VGLL4: variants seen among roughly 807,000 people sequenced by gnomAD.
VGLL4 encodes vestigial like family member 4.
A neutral mutation model predicts 21.0 loss-of-function variants in VGLL4; 7 were observed. That is an observed-to-expected ratio of 0.33 (90% confidence interval 0.19 to 0.63). VGLL4 has a LOEUF of 0.63. VGLL4 is among the 20% of genes least tolerant of loss of function. The pLI, the probability that VGLL4 is intolerant of heterozygous loss-of-function variation, is 0.78. For synonymous variants in VGLL4, 222 were observed against 173.2 expected (o/e 1.28, Z -2.21); for missense variants, 394 against 425.7 (o/e 0.93, Z 0.66).
At chr3:11,706,643 C>T (rs1223516353) in intron 1 of VGLL4, among the ~76,000 whole-genome samples, 6 of 152,154 alleles carry the variant, frequency 3.9e-5, no homozygotes, top group East Asian at 1.9e-4. Context: ...TTTCCTTCCC[C>T]GGTTGCCCTG....
chr3:11,672,767 G>C (rs894251233), intron 2 of VGLL4, among the ~76,000 whole-genome samples: 2 of 152,128 alleles, frequency 1.3e-5, no homozygotes, highest in South Asian at 2.1e-4. Context: ...GATTATCCTG[G>C]CTTCTTCACT....
chr3:11,664,131 G>A (rs2616563), intron 2 of VGLL4, among the ~76,000 whole-genome samples: 152,012 of 152,016 alleles, frequency 1, 76,004 homozygotes, highest in Middle Eastern at 1. Context: ...CCAGCTACTT[G>A]GGAGGCTGAG....
chr3:11,680,236 C>G (rs2076350109), intron 2 of VGLL4, among the ~76,000 whole-genome samples: 1 of 152,098 alleles, frequency 6.6e-6, no homozygotes, highest in Non-Finnish European at 1.5e-5. Flanking sequence ...CTGCGATGTT[C>G]GCAGATGACA....
At chr3:11,702,745 C>CAAA in intron 2 of VGLL4, 1 of 186,682 alleles carries the variant, frequency 5.4e-6, no homozygotes. Context: ...AAAAAAAAAA[C>CAAA]AAAAAAAAAA....
At chr3:11,689,924 G>A (rs1406607522) in intron 2 of VGLL4, among the ~76,000 whole-genome samples, 2 of 152,110 alleles carry the variant, frequency 1.3e-5, no homozygotes, top group Non-Finnish European at 2.9e-5. Flanking sequence ...CCTGCTAGAG[G>A]GCCTACATTT....
chr3:11,635,406 C>A (rs1249754969), intron 1 of VGLL4, among the ~76,000 whole-genome samples: 2 of 152,130 alleles, frequency 1.3e-5, no homozygotes, highest in African/African-American at 4.8e-5. Flanking sequence ...CCTTCATTTC[C>A]CCTGAAGGAA....
At chr3:11,711,423 G>A (rs968045471) in intron 1 of VGLL4, among the ~76,000 whole-genome samples, 3 of 151,904 alleles carry the variant, frequency 2.0e-5, no homozygotes, top group African/African-American at 7.3e-5. Flanking sequence ...AATTAGCCAG[G>A]CATGGTGGCA....
In VGLL4 at chr3:11,559,886, C is replaced by A. The variant is rs9848960; in HGVS notation, c.496-431G>T. 5.9e-5 allele frequency among the ~76,000 whole-genome samples: 9 copies of A among 152,000 alleles called. No homozygotes were observed. The East Asian group carries it at 1.7e-3, about 29-fold the overall frequency. ...GAGCCATCCAGGACACTTCAATACA[C>A]GGCAATTAACTGGAAGCATTTTGCT... On this transcript the variant is annotated intron_variant, in intron 3 of 4. Coordinates refer to ENST00000430365, the MANE Select transcript of VGLL4 (RefSeq NM_001128219.3).
chr3:11,679,344 C>T (rs2076338451), intron 2 of VGLL4, among the ~76,000 whole-genome samples: 1 of 149,810 alleles, frequency 6.7e-6, no homozygotes, highest in African/African-American at 2.5e-5. Context: ...GAGTTTTTAA[C>T]AAAAAAGTTT....
At chr3:11,701,257 C>T (rs1210176300) in intron 2 of VGLL4, among the ~76,000 whole-genome samples, 1 of 152,144 alleles carries the variant, frequency 6.6e-6, no homozygotes, top group African/African-American at 2.4e-5. Context: ...CAGAGCCTGG[C>T]ACCTCTTCCT....
intron 2 of VGLL4, among the ~76,000 whole-genome samples, chr3:11,668,331 A>G (rs1456511393): frequency 6.6e-6 from 1 of 152,166 alleles, no homozygotes; most frequent in Non-Finnish European, 1.5e-5. Flanking sequence ...CATTTTTTCT[A>G]AATGCATCAT....
chr3:11,695,109 G>A (rs1211202174), intron 2 of VGLL4, among the ~76,000 whole-genome samples: 1 of 148,670 alleles, frequency 6.7e-6, no homozygotes, highest in Non-Finnish European at 1.5e-5. Context: ...GGAGTGCAGT[G>A]GTGCAATCTC....
chr3:11,659,369 T>C (rs1268528582), intron 2 of VGLL4, among the ~76,000 whole-genome samples: 1 of 139,444 alleles, frequency 7.2e-6, no homozygotes, highest in Admixed American at 7.9e-5. Context: ...TTTGCTCTTA[T>C]TGCCCAGGCT....
chr3:11,703,055 G>T (rs2076705838), intron 1 of VGLL4: 3 of 1,554,206 alleles, frequency 1.9e-6, no homozygotes, highest in African/African-American at 3.6e-5. Flanking sequence ...AGCCTAAGAG[G>T]AAAAAATAAA....
chr3:11,564,754 A>G (rs2073374275), intron 3 of VGLL4, 43 bp downstream of exon 3: 1 of 1,510,566 alleles, frequency 6.6e-7, no homozygotes, highest in African/African-American at 1.5e-5. Context: ...CCAGTCCCCC[A>G]GCCCCTGGAC....
intron 2 of VGLL4, among the ~76,000 whole-genome samples, chr3:11,587,963 T>C (rs922167797): frequency 6.6e-6 from 1 of 152,206 alleles, no homozygotes; most frequent in Non-Finnish European, 1.5e-5. Context: ...CGTTTTCGTT[T>C]TCTGTTTTCA....
intron 2 of VGLL4, among the ~76,000 whole-genome samples, chr3:11,566,972 G>A (rs1284060233): frequency 6.6e-6 from 1 of 152,198 alleles, no homozygotes; most frequent in African/African-American, 2.4e-5. Flanking sequence ...CAGAATCATG[G>A]AGAGCTGGAG....
intron 3 of VGLL4, among the ~76,000 whole-genome samples, chr3:11,560,610 G>A (rs1378788059): frequency 1.3e-5 from 2 of 152,224 alleles, no homozygotes; most frequent in Non-Finnish European, 2.9e-5. Flanking sequence ...GGATGAAAAT[G>A]TGGATCCACA....
chr3:11,629,160 T>C (rs1051373936), intron 1 of VGLL4, among the ~76,000 whole-genome samples: 1 of 152,232 alleles, frequency 6.6e-6, no homozygotes, highest in African/African-American at 2.4e-5. Context: ...ACTATGATTT[T>C]GGTTGTGTTA....
Sources: gnomAD v4.1 joint callset for allele counts (sites outside exome capture counted in the v4.1 genomes callset) on GRCh38, gnomAD v4.1.1 for gene constraint, MANE v1.5 for transcripts, NCBI Gene and HGNC (gene_info 2026-07-23, HGNC 2026-07-21) for gene names.